CYP2R1: variants seen among roughly 807,000 people sequenced by gnomAD.
The protein encoded by CYP2R1 is cytochrome P450 family 2 subfamily R member 1.
A neutral mutation model predicts 45.7 loss-of-function variants in CYP2R1; 40 were observed. The ratio of observed to expected loss-of-function variants is 0.87; its 90% CI spans 0.68 to 1.14. The LOEUF is 1.14. Among genes scored for constraint, CYP2R1 ranks in the 50% most tolerant of loss-of-function variants. The pLI is 0.00. For synonymous variants in CYP2R1, 234 were observed against 219.3 expected (o/e 1.07, Z -0.59); for missense variants, 605 against 602.6 (o/e 1.00, Z -0.04).
intron 2 of CYP2R1, among the ~76,000 whole-genome samples, chr11:14,884,962 C>T (rs1026905393): frequency 1.3e-5 from 2 of 152,076 alleles, no homozygotes; most frequent in African/African-American, 4.8e-5. Flanking sequence ...ATACTCTGGC[C>T]TGAGAATTCA....
At chr11:14,884,893 G>T (rs1470565559) in intron 2 of CYP2R1, among the ~76,000 whole-genome samples, 2 of 151,630 alleles carry the variant, frequency 1.3e-5, no homozygotes, top group Non-Finnish European at 2.9e-5. Flanking sequence ...TATAATTGTG[G>T]CTGCTTCTTT....
chr11:14,878,388 G>T, intron 4 of CYP2R1, 91 bp from the exon 5 acceptor site: 1 of 1,261,494 alleles, frequency 7.9e-7, no homozygotes, highest in Non-Finnish European at 1.1e-6. Context: ...CAGGAAATCT[G>T]GAATTTAAAC....
At chr11:14,889,735 G>GA (rs1555015943) in intron 1 of CYP2R1, among the ~76,000 whole-genome samples, 2 of 152,266 alleles carry the variant, frequency 1.3e-5, no homozygotes, top group Admixed American at 1.3e-4. Context: ...ATTTATATAA[G>GA]AAAAGCTTAA....
chr11:14,891,867 C>A, intron 1 of CYP2R1, 114 bp downstream of exon 1: 1 of 1,410,430 alleles, frequency 7.1e-7, no homozygotes, highest in Non-Finnish European at 9.4e-7. Context: ...AGCCGGCACA[C>A]GGAGAGGTCC....
At chr11:14,892,348 C>A (rs1848896204), upstream of CYP2R1, 3 of 756,096 alleles carry the variant, frequency 4.0e-6, no homozygotes, top group South Asian at 3.4e-5. Context: ...GCGCTCAGGC[C>A]CCTTCGGGAC....
chr11:14,889,037 G>A (rs1396493401), intron 1 of CYP2R1, among the ~76,000 whole-genome samples: 4 of 152,112 alleles, frequency 2.6e-5, no homozygotes, highest in African/African-American at 9.7e-5. Context: ...CCTTTAAAAT[G>A]AATATATAAG....
chr11:14,879,189 C>G lies in CYP2R1; in HGVS notation c.1255G>C (p.Val419Leu), dbSNP rs1555010829. The change falls in exon 4 of 5, where the codon GTG (valine) becomes CTG (leucine). Residue 419 changes from valine to leucine, a missense_variant. Physicochemically the swap from Val to Leu is conservative, Grantham distance 32. Coordinates refer to ENST00000334636, the MANE Select transcript of CYP2R1 (RefSeq NM_024514.5). ...TCCAGAAATCGCTCAGGATGGAACA[C>G]TTCTGGGTCTCTCCAGTACTTTTCA... ...FDEKYWRDPE[V>L]FHPERFLDSS... The G allele has an allele frequency of 6.2e-7, 1 of 1,613,294 alleles. No individual in the cohort carries two copies.
chr11:14,879,321 C>G lies in CYP2R1; in HGVS notation c.1123G>C (p.Val375Leu), dbSNP rs529613253. 9 of 1,613,092 alleles carry G rather than the reference C, an allele frequency of 5.6e-6. No individual in the cohort carries two copies. The African/African-American group carries it at 1.2e-4, about 22-fold the overall frequency. Residue 375 changes from valine (V) to leucine (L), a missense_variant, in exon 4 of 5, where the codon GTT (valine) becomes CTT (leucine). Val to Leu is a conservative substitution (Grantham distance 32). Transcript: ENST00000334636. Reference protein sequence around the residue: ...LHEVLRFCNIVPLGIFHATSE... With the variant: ...LHEVLRFCNILPLGIFHATSE... ...GTTGCATGGAAAATCCCTAATGGAA[C>G]TATATTACAGAATCTTAAAACTTCA... is the stretch of plus-strand genomic sequence containing the variant.
rs782788158 is a variant in CYP2R1 at position 14,892,225 on chromosome 11, G to A, written c.-20C>T. ...CCACATCGGCCCGAGCTGGAGGTGCGAACTCCACAGCAGCCCTGAGACCCA... is the reference window on the plus strand; with the variant it reads ...CCACATCGGCCCGAGCTGGAGGTGCAAACTCCACAGCAGCCCTGAGACCCA... On this transcript the variant is annotated 5_prime_UTR_variant, in exon 1 of 5. Transcript: ENST00000334636. The A allele has an allele frequency of 1.9e-6, 3 of 1,602,974 alleles. No homozygotes were observed. Among genetic ancestry groups the A allele is most frequent in the African/African-American group, 1.3e-5 (1 of 74,892 alleles).
Position 14,880,745 on chromosome 11 carries a change from G to A in CYP2R1, c.391C>T (p.Arg131Ter), listed in dbSNP as rs781823033. ...MGGLLNSRYG[R>*]GWVDHRRLAV... is the part of the protein sequence containing the mutation. ...AATCGTCTGTGATCAACCCATCCTC[G>A]GCCATATCTGGAATTGAGTAAGCCT... Residue 131 changes from arginine (R) to a stop codon, truncating the protein, a stop_gained, in exon 3 of 5, where the codon CGA becomes TGA. Coordinates refer to ENST00000334636, the MANE Select transcript of CYP2R1 (RefSeq NM_024514.5). LOFTEE classifies it high-confidence loss of function. 1.0e-5 allele frequency: 16 copies of A among 1,607,288 alleles called. No individual in the cohort carries two copies. The highest frequency in any genetic ancestry group is 1.7e-4 in the Middle Eastern group (1 of 6,024).
intron 4 of CYP2R1, 144 bp from the exon 5 acceptor site, chr11:14,878,441 C>A (rs1031008136): frequency 2.4e-5 from 20 of 841,570 alleles, no homozygotes; most frequent in Non-Finnish European, 3.6e-5. Flanking sequence ...TTTCTTAAAT[C>A]TCAAAGAATA....
chr11:14,878,768 T>A (rs902779817), intron 4 of CYP2R1, among the ~76,000 whole-genome samples: 1 of 151,636 alleles, frequency 6.6e-6, no homozygotes, highest in African/African-American at 2.4e-5. Context: ...GCCAAGAGAG[T>A]GAGATTCTAG....
In CYP2R1 at chr11:14,888,422, G is replaced by A. The variant is rs576765661; in HGVS notation, c.226-2505C>T. Among the ~76,000 whole-genome samples, 8 of 152,264 alleles carry A rather than the reference G, an allele frequency of 5.3e-5. No individual in the cohort carries two copies. In the South Asian group the frequency reaches 1.0e-3, roughly 20 times the overall value. On this transcript the variant is annotated intron_variant, in intron 1 of 4. Coordinates refer to ENST00000334636, the MANE Select transcript of CYP2R1 (RefSeq NM_024514.5). The stretch of plus-strand genomic sequence containing the variant: ...GGCTAAATGCTAATAACAGACAAAT[G>A]TGCAAAGTGCTGTTGATGAAAACCA...
At chr11:14,891,663 G>A (rs1430798164) in intron 1 of CYP2R1, 3 of 1,161,144 alleles carry the variant, frequency 2.6e-6, no homozygotes, top group East Asian at 5.8e-5. Flanking sequence ...CTGAAGTGGC[G>A]GCGCGGCTGG....
chr11:14,885,969 T>G, intron 1 of CYP2R1, 52 bp from the exon 2 acceptor site: 6 of 1,571,178 alleles, frequency 3.8e-6, no homozygotes, highest in Non-Finnish European at 5.2e-6. Context: ...TATGGAGAAA[T>G]ATAACCATGG....
intron 1 of CYP2R1, 43 bp downstream of exon 1, chr11:14,891,938 C>T (rs1321250266): frequency 1.9e-6 from 3 of 1,599,356 alleles, no homozygotes; most frequent in Non-Finnish European, 2.6e-6. Context: ...CAGCCCGGGC[C>T]AGCCTGGCGG....
chr11:14,891,847 C>T, intron 1 of CYP2R1, 134 bp downstream of exon 1: 4 of 1,414,924 alleles, frequency 2.8e-6, no homozygotes, highest in South Asian at 3.0e-5. Context: ...GCGGGTGTCC[C>T]TCAAAGGGCA....
At chr11:14,879,085 A>G (rs1565176773) in intron 4 of CYP2R1, 29 bp downstream of exon 4, 3 of 1,546,736 alleles carry the variant, frequency 1.9e-6, no homozygotes, top group Admixed American at 1.7e-5. Context: ...CCTTTATTCT[A>G]AAGTTACGCC....
At chr11:14,888,289 A>T (rs572719514) in intron 1 of CYP2R1, among the ~76,000 whole-genome samples, 1 of 152,226 alleles carries the variant, frequency 6.6e-6, no homozygotes, top group Non-Finnish European at 1.5e-5. Context: ...GGTCACTGCT[A>T]TATCTCTAGC....
Sources: gnomAD v4.1 joint callset for allele counts (sites outside exome capture counted in the v4.1 genomes callset) on GRCh38, gnomAD v4.1.1 for gene constraint, MANE v1.5 for transcripts, NCBI Gene and HGNC (gene_info 2026-07-23, HGNC 2026-07-21) for gene names.